PAK1: variants seen among roughly 807,000 people sequenced by gnomAD.
The protein encoded by PAK1 is serine/threonine-protein kinase PAK 1.
In PAK1, 29 loss-of-function variants were observed where a neutral mutation model predicts 67.4. The ratio of observed to expected loss-of-function variants is 0.43; its 90% CI spans 0.32 to 0.59. The LOEUF (loss-of-function observed/expected upper bound fraction) is 0.59, where lower values mean the gene tolerates loss of function less well. Among genes scored for constraint, PAK1 ranks in the 20% least tolerant of loss-of-function variants. PAK1 has a pLI of 0.07. For missense variants in PAK1, 337 were observed against 670.7 expected (o/e 0.50, Z 5.50); for synonymous variants, 223 against 237.4 (o/e 0.94, Z 0.56).
chr11:77,379,022 T>C (rs1353215349), intron 4 of PAK1, among the ~76,000 whole-genome samples: 1 of 152,176 alleles, frequency 6.6e-6, no homozygotes, highest in Non-Finnish European at 1.5e-5. Context: ...TATAATACCA[T>C]GCTATTTTTA....
intron 2 of PAK1, among the ~76,000 whole-genome samples, chr11:77,383,970 T>C (rs2137200752): frequency 6.6e-6 from 1 of 152,256 alleles, no homozygotes; most frequent in African/African-American, 2.4e-5. Flanking sequence ...CCAGGGAAAG[T>C]CTGAGTTTCA....
intron 1 of PAK1, among the ~76,000 whole-genome samples, chr11:77,443,402 G>C (rs1260452861): frequency 6.6e-6 from 1 of 151,954 alleles, no homozygotes; most frequent in Non-Finnish European, 1.5e-5. Context: ...CCACCACAAG[G>C]AGATGGCTCT....
chr11:77,432,442 G>A (rs149647024), intron 1 of PAK1, among the ~76,000 whole-genome samples: 1 of 151,390 alleles, frequency 6.6e-6, no homozygotes, highest in African/African-American at 2.4e-5. Flanking sequence ...GAGCAATTAG[G>A]TGGAAAAAAA....
chr11:77,466,812 C>T (rs1346347019), intron 1 of PAK1, among the ~76,000 whole-genome samples: 2 of 152,168 alleles, frequency 1.3e-5, no homozygotes, highest in African/African-American at 2.4e-5. Context: ...ACTAAACAAT[C>T]ATAAGAACCT....
At chr11:77,393,286 AGAGAGAGAGAGAG>A (rs1428581615) in intron 1 of PAK1, among the ~76,000 whole-genome samples, 4 of 43,114 alleles carry the variant, frequency 9.3e-5, no homozygotes, top group African/African-American at 2.5e-4. Flanking sequence ...AAAAAAAAAA[AGAGAGAGAGAGAG>A]AGAGAGAGAG....
Position 77,390,663 on chromosome 11 carries a change from C to CTTTT in PAK1, c.190+1664_190+1667dup, listed in dbSNP as rs56816970. ...AGGCACACGCCACCATGCCCGACTCCTTTTTTTTTTTTTTTTTTAGTAGAG... is the reference window on the plus strand; with the variant it reads ...AGGCACACGCCACCATGCCCGACTCCTTTTTTTTTTTTTTTTTTTTTTAGTAGAG... On this transcript the variant is annotated intron_variant, in intron 2 of 14. Transcript: ENST00000356341. 1.7e-3 allele frequency among the ~76,000 whole-genome samples: 230 copies of CTTTT among 132,764 alleles called. 1 individual carries two copies. Among genetic ancestry groups the CTTTT allele is most frequent in the African/African-American group, 6.2e-3 (220 of 35,614 alleles). 87.1% of individuals were successfully genotyped at this position (132,764 alleles called of 152,430 possible). A position where few individuals can be genotyped will look rare whatever the true frequency, so the allele number is the denominator to read the frequency against.
chr11:77,491,824 A>G, the PAK1 span, among the ~76,000 whole-genome samples: 1 of 152,198 alleles, frequency 6.6e-6, no homozygotes, highest in South Asian at 2.1e-4. Context: ...AAAAGACAGG[A>G]GTAAGTCTTT....
At chr11:77,372,173 A>G (rs1948526614) in intron 5 of PAK1, among the ~76,000 whole-genome samples, 1 of 152,220 alleles carries the variant, frequency 6.6e-6, no homozygotes, top group Non-Finnish European at 1.5e-5. Flanking sequence ...TTCCTACAAA[A>G]GCATAAAGAC....
At chr11:77,493,807 T>G in the PAK1 span, among the ~76,000 whole-genome samples, 1 of 152,214 alleles carries the variant, frequency 6.6e-6, no homozygotes, top group Non-Finnish European at 1.5e-5. Flanking sequence ...GGTAATGATT[T>G]GAGCATGTCT....
chr11:77,472,240 G>A (rs529343295), intron 1 of PAK1, among the ~76,000 whole-genome samples: 53 of 152,324 alleles, frequency 3.5e-4, no homozygotes, highest in Non-Finnish European at 6.8e-4. Flanking sequence ...ATAAGCTTCA[G>A]GGAAAGTATG....
At chr11:77,427,211 G>C (rs1197248224) in intron 1 of PAK1, among the ~76,000 whole-genome samples, 5 of 152,204 alleles carry the variant, frequency 3.3e-5, no homozygotes, top group Admixed American at 6.5e-5. Flanking sequence ...GAGACAGACT[G>C]AGGGTCTCTG....
chr11:77,489,912 C>T, the PAK1 span, among the ~76,000 whole-genome samples: 15 of 151,926 alleles, frequency 9.9e-5, no homozygotes, highest in South Asian at 2.9e-3. Flanking sequence ...GGCCGCCTAT[C>T]GTCTGGGATG....
At chr11:77,355,315 T>C (rs1181124607) in intron 7 of PAK1, among the ~76,000 whole-genome samples, 1 of 152,192 alleles carries the variant, frequency 6.6e-6, no homozygotes, top group African/African-American at 2.4e-5. Flanking sequence ...CATCAATAAT[T>C]GATCACAGTG....
At chr11:77,496,804 G>A in the PAK1 span, among the ~76,000 whole-genome samples, 1 of 151,880 alleles carries the variant, frequency 6.6e-6, no homozygotes, top group African/African-American at 2.4e-5. Context: ...GTGATGGTGA[G>A]TGCACATAAT....
chr11:77,492,337 C>CAA, the PAK1 span, among the ~76,000 whole-genome samples: 2 of 140,856 alleles, frequency 1.4e-5, no homozygotes, highest in South Asian at 2.2e-4. Context: ...CTCCATCTCA[C>CAA]AAAAAAAACA....
chr11:77,440,235 A>G (rs1956295567), intron 1 of PAK1, among the ~76,000 whole-genome samples: 1 of 152,130 alleles, frequency 6.6e-6, no homozygotes, highest in Admixed American at 6.5e-5. Context: ...AAACTTTCAA[A>G]CATACGAGAA....
intron 2 of PAK1, among the ~76,000 whole-genome samples, chr11:77,383,195 A>C (rs1271050923): frequency 1.3e-5 from 2 of 152,154 alleles, no homozygotes; most frequent in African/African-American, 4.8e-5. Context: ...TACTAACTGA[A>C]ATAACAGTTT....
chr11:77,465,517 C>G (rs763369483), intron 1 of PAK1, among the ~76,000 whole-genome samples: 16 of 151,998 alleles, frequency 1.1e-4, no homozygotes, highest in Admixed American at 2.6e-4. Flanking sequence ...ATTTTGCTCA[C>G]CTGGTTCTTT....
intron 1 of PAK1, among the ~76,000 whole-genome samples, chr11:77,441,815 G>A (rs1241895883): frequency 6.6e-6 from 1 of 152,220 alleles, no homozygotes; most frequent in Non-Finnish European, 1.5e-5. Flanking sequence ...GAGATGCACA[G>A]TTTCATCAGC....
Sources: allele counts gnomAD v4.1 joint callset (sites outside exome capture counted in the v4.1 genomes callset), GRCh38; gene constraint gnomAD v4.1.1; transcripts MANE v1.5; gene names NCBI Gene and HGNC (gene_info 2026-07-23, HGNC 2026-07-21).